Variants in CLPX observed in about 807,000 individuals in gnomAD.
CLPX encodes the protein caseinolytic mitochondrial matrix peptidase chaperone subunit X.
A neutral mutation model predicts 76.4 loss-of-function variants in CLPX; 34 were observed. The observed-to-expected ratio is 0.45, with a 90% CI of 0.34 to 0.59. CLPX has a LOEUF of 0.59. Ranked by LOEUF, CLPX falls within the 20% of genes least tolerant of loss-of-function variation. The pLI is 0.01. For synonymous variants in CLPX, 248 were observed against 270.9 expected, an observed-to-expected ratio of 0.92 and a Z score of 0.83; for missense variants, 613 against 757.0, an observed-to-expected ratio of 0.81 and a Z score of 2.23.
chr15:65,177,566 G>A (rs1371302969), intron 3 of CLPX, among the ~76,000 whole-genome samples: 1 of 152,150 alleles, frequency 6.6e-6, no homozygotes, highest in Non-Finnish European at 1.5e-5. Flanking sequence ...TTAGGAGATA[G>A]AGAATACTCT....
At position 65,148,666 on chromosome 15, in the gene CLPX, A is replaced by G. The variant is rs1389967274; in HGVS notation, c.*2157T>C. 6.6e-6 allele frequency: 1 copy of G among 152,124 alleles called. No individual in the cohort carries two copies. Among genetic ancestry groups the G allele is most frequent in the East Asian group, 1.9e-4 (1 of 5,200 alleles). The allele number at this position is 152,124 out of a possible 1,614,324, so 9.4% of individuals were successfully genotyped here. Reference sequence around the variant, plus strand: ...CCAACTCTTCATCAACAAGATTTAGAATTTCCTAATAGCTTTAGTTTTTCC... The same window carrying G: ...CCAACTCTTCATCAACAAGATTTAGGATTTCCTAATAGCTTTAGTTTTTCC... On this transcript the variant is annotated 3_prime_UTR_variant, in exon 14 of 14. Coordinates refer to ENST00000300107, the MANE Select transcript of CLPX (RefSeq NM_006660.5).
chr15:65,171,334 C>T (rs932653545), intron 3 of CLPX, among the ~76,000 whole-genome samples: 2 of 151,670 alleles, frequency 1.3e-5, no homozygotes, highest in Admixed American at 1.3e-4. Flanking sequence ...GTAATCCTAG[C>T]AACTGGGGAG....
Position 65,149,677 on chromosome 15 carries a change from G to C in CLPX, c.*1146C>G, listed in dbSNP as rs945792534. 5.8e-5 allele frequency: 21 copies of C among 362,008 alleles called. No individual in the cohort carries two copies. The highest frequency in any genetic ancestry group is 6.4e-5 in the Non-Finnish European group (12 of 188,320). 22.4% of individuals were successfully genotyped at this position (362,008 alleles called of 1,614,324 possible). ...GAGTTACAGACTAGCCTGGCCAACA[G>C]GGTGAAACCCTGTCTCTACTAAAAA... On this transcript the variant is annotated 3_prime_UTR_variant, in exon 14 of 14. Transcript: ENST00000300107.
At position 65,155,217 on chromosome 15, in the gene CLPX, G is replaced by GA. The variant is rs377233548; in HGVS notation, c.1312-137dup. On this transcript the variant is annotated intron_variant, in intron 10 of 13. Transcript: ENST00000300107. ...TTATTATCATTTACATTTTACAAAGGAAAAAAACAGGCTTAGAGAGTTTAA... is the reference window on the plus strand; with the variant it reads ...TTATTATCATTTACATTTTACAAAGGAAAAAAAACAGGCTTAGAGAGTTTAA... 262 of 847,950 alleles carry GA rather than the reference G, an allele frequency of 3.1e-4. 1 individual carries two copies. In the East Asian group the frequency reaches 5.0e-3, roughly 16 times the overall value. 52.5% of individuals were successfully genotyped at this position (847,950 alleles called of 1,614,324 possible). A position where few individuals can be genotyped will look rare whatever the true frequency, so the allele number is the denominator to read the frequency against.
Position 65,179,124 on chromosome 15 carries a change from A to G in CLPX, c.241-73T>C, listed in dbSNP as rs1473216237. On this transcript the variant is annotated intron_variant, in intron 2 of 13. Coordinates refer to ENST00000300107, the MANE Select transcript of CLPX (RefSeq NM_006660.5). ...CAGGCAACCAACTTAAATGTAAACAATACTGTTTGTAATTAATTTTATAAT... is the reference window on the plus strand; with the variant it reads ...CAGGCAACCAACTTAAATGTAAACAGTACTGTTTGTAATTAATTTTATAAT... 24 of 746,162 alleles carry G rather than the reference A, an allele frequency of 3.2e-5. No homozygotes were observed. In the Admixed American group the frequency reaches 5.4e-4, roughly 17 times the overall value. The allele number at this position is 746,162 out of a possible 1,614,324, so 46.2% of individuals were successfully genotyped here.
At position 65,176,172 on chromosome 15, in the gene CLPX, T is replaced by C. The variant is rs1461470127; in HGVS notation, c.358+2762A>G. Among the ~76,000 whole-genome samples the C allele has an allele frequency of 2.0e-5, 3 of 152,234 alleles. No individual in the cohort carries two copies. The East Asian group carries it at 5.8e-4, about 29-fold the overall frequency. On this transcript the variant is annotated intron_variant, in intron 3 of 13. Transcript: ENST00000300107. ...GGTCTAACTAATAATATACATATAC[T>C]ACTAACATACAAATTCTAGGACTCC...
Position 65,154,876 on chromosome 15 carries a change from A to G in CLPX, c.1517T>C (p.Leu506Ser). 1 of 1,614,180 alleles carries G rather than the reference A, an allele frequency of 6.2e-7. No individual in the cohort carries two copies. The highest frequency in any genetic ancestry group is 8.5e-7 in the Non-Finnish European group (1 of 1,180,010). The change falls in exon 11 of 14, where the codon TTG becomes TCG. Residue 506 changes from leucine to serine, a missense_variant. Coordinates refer to ENST00000300107, the MANE Select transcript of CLPX (RefSeq NM_006660.5). The stretch of plus-strand genomic sequence containing the variant: ...AAGTGTTTTCTCATCTAGGCTATGC[A>G]ATGGAACCACCACAGGCAACCGTCC... ...FVGRLPVVVP[L>S]HSLDEKTLVQ...
rs1352740542 is a variant in CLPX at position 65,150,775 on chromosome 15, TAA to T, written c.*46_*47del. 7.5e-7 allele frequency: 1 copy of T among 1,332,470 alleles called. No homozygotes were observed. The allele number at this position is 1,332,470 out of a possible 1,614,324, so 82.5% of individuals were successfully genotyped here. On this transcript the variant is annotated 3_prime_UTR_variant, in exon 14 of 14. Transcript: ENST00000300107. Reference sequence around the variant, plus strand: ...CAGACTGTAGAGACAATTATGATCCTAAACAAAAGAAGGAAAAGCTGTATATA... The same window carrying T: ...CAGACTGTAGAGACAATTATGATCCTACAAAAGAAGGAAAAGCTGTATATA...
chr15:65,185,234 T>A lies in CLPX; in HGVS notation c.-81A>T. On this transcript the variant is annotated 5_prime_UTR_variant, in exon 1 of 14. Transcript: ENST00000300107. ...CGTGAATCCTGCCCGCAAGGCGCGC[T>A]GACTCGGTTCCGAACCCTTTCGCGG... 8.0e-7 allele frequency: 1 copy of A among 1,248,902 alleles called. No homozygotes were observed. Among genetic ancestry groups the A allele is most frequent in the Non-Finnish European group, 1.1e-6 (1 of 883,658 alleles). 77.4% of individuals were successfully genotyped at this position (1,248,902 alleles called of 1,614,324 possible).
chr15:65,166,157 C>A (rs960558470), intron 4 of CLPX, among the ~76,000 whole-genome samples: 1 of 152,138 alleles, frequency 6.6e-6, no homozygotes, highest in Admixed American at 6.6e-5. Flanking sequence ...AGCAGCCCGG[C>A]ACACTGGCTA....
chr15:65,158,318 G>A (rs964017580), intron 7 of CLPX: 7 of 375,794 alleles, frequency 1.9e-5, no homozygotes, highest in Admixed American at 8.8e-5. Flanking sequence ...CACTACATCC[G>A]ATCTATTATT....
chr15:65,181,014 C>T (rs1385843973), intron 1 of CLPX, among the ~76,000 whole-genome samples: 2 of 151,566 alleles, frequency 1.3e-5, no homozygotes, highest in East Asian at 1.9e-4. Flanking sequence ...GCCTGGCCAA[C>T]GTGGTGAAAC....
At chr15:65,172,056 C>T (rs1037406011) in intron 3 of CLPX, among the ~76,000 whole-genome samples, 6 of 152,104 alleles carry the variant, frequency 3.9e-5, no homozygotes, top group Non-Finnish European at 7.4e-5. Context: ...AGTGCAATGG[C>T]GCGATCTCAG....
intron 3 of CLPX, among the ~76,000 whole-genome samples, chr15:65,178,700 CTTTT>C (rs35901458): frequency 7.4e-6 from 1 of 134,298 alleles, no homozygotes; most frequent in South Asian, 2.4e-4. Context: ...CCATACCTGG[CTTTT>C]TTTTTTTTTT....
At chr15:65,181,996 G>A (rs1021912737) in intron 1 of CLPX, among the ~76,000 whole-genome samples, 6 of 150,898 alleles carry the variant, frequency 4.0e-5, no homozygotes, top group Non-Finnish European at 5.9e-5. Context: ...GGTGACACGC[G>A]CCTGTAGTCT....
chr15:65,171,203 C>A (rs1238576286), intron 3 of CLPX, among the ~76,000 whole-genome samples: 1 of 151,970 alleles, frequency 6.6e-6, no homozygotes, highest in African/African-American at 2.4e-5. Context: ...TCCTAGCACT[C>A]TGGGAGGCTG....
In CLPX at chr15:65,178,967, C is replaced by T. The variant is rs2140648997; in HGVS notation, c.325G>A (p.Gly109Ser). 1 of 1,609,322 alleles carries T rather than the reference C, an allele frequency of 6.2e-7. No individual in the cohort carries two copies. Among genetic ancestry groups the T allele is most frequent in the South Asian group, 1.1e-5 (1 of 90,378 alleles). Residue 109 changes from glycine to serine, a missense_variant, in exon 3 of 14, where the codon GGC becomes AGC. Physicochemically the swap from Gly to Ser is moderately conservative, Grantham distance 56 (BLOSUM62 0). Coordinates refer to ENST00000300107, the MANE Select transcript of CLPX (RefSeq NM_006660.5). The part of the protein sequence containing the change: ...GGNQLRCPKC[G>S]DLCTHVETFV... ...GTCTCTACATGTGTGCACAAGTCGC[C>T]ACATTTAGGACAGCGCAGCTGGTTT...
intron 3 of CLPX, among the ~76,000 whole-genome samples, chr15:65,173,213 T>C (rs1372384445): frequency 6.6e-6 from 1 of 151,656 alleles, no homozygotes; most frequent in Non-Finnish European, 1.5e-5. Flanking sequence ...CTACTAAAAA[T>C]ACAAAAATCA....
rs1249826262 is a variant in CLPX at position 65,185,264 on chromosome 15, T to C, written c.-111A>G. 4.2e-5 allele frequency: 36 copies of C among 858,730 alleles called. No homozygotes were observed. The highest frequency in any genetic ancestry group is 4.0e-4 in the East Asian group (15 of 37,392). 53.2% of individuals were successfully genotyped at this position (858,730 alleles called of 1,614,324 possible). On this transcript the variant is annotated 5_prime_UTR_variant, in exon 1 of 14. Transcript: ENST00000300107. Reference sequence around the variant, plus strand: ...CGGTTCCGAACCCTTTCGCGGGCCCTAGACCCCGTGGAGAGTTCACCTGCC... The same window carrying C: ...CGGTTCCGAACCCTTTCGCGGGCCCCAGACCCCGTGGAGAGTTCACCTGCC...
Sources: allele counts gnomAD v4.1 joint callset (sites outside exome capture counted in the v4.1 genomes callset), GRCh38; gene constraint gnomAD v4.1.1; transcripts MANE v1.5; gene names NCBI Gene and HGNC (gene_info 2026-07-23, HGNC 2026-07-21).